The following UVRAG variants were observed in gnomAD, a reference collection of about 807,000 sequenced individuals.
The protein encoded by UVRAG is UV radiation resistance associated.
UVRAG carries 19 observed loss-of-function variants against 78.0 expected under a neutral mutation model. The observed-to-expected ratio is 0.24, with a 90% CI of 0.17 to 0.36. The LOEUF (loss-of-function observed/expected upper bound fraction) is 0.36. UVRAG is among the 10% of genes least tolerant of loss of function. The pLI, the probability that UVRAG is intolerant of heterozygous loss-of-function variation, is 1.00. For synonymous variants in UVRAG, 323 were observed against 324.6 expected (o/e 1.00, Z 0.05); for missense variants, 740 against 853.8 (o/e 0.87, Z 1.66).
At chr11:75,943,154 C>G (rs956597148) in intron 6 of UVRAG, among the ~76,000 whole-genome samples, 1 of 152,044 alleles carries the variant, frequency 6.6e-6, no homozygotes, top group Non-Finnish European at 1.5e-5. Context: ...TACTATAGCA[C>G]CTATAAAATC....
intron 9 of UVRAG, among the ~76,000 whole-genome samples, chr11:76,004,689 A>C (rs1949892941): frequency 6.6e-6 from 1 of 152,020 alleles, no homozygotes; most frequent in Non-Finnish European, 1.5e-5. Flanking sequence ...GCAGTGGTGC[A>C]GTCGTAGCTC....
chr11:75,964,683 A>C (rs553479322), intron 7 of UVRAG, among the ~76,000 whole-genome samples: 1 of 152,320 alleles, frequency 6.6e-6, no homozygotes, highest in South Asian at 2.1e-4. Context: ...CAGGTGGATC[A>C]CGAGGTCAGG....
chr11:76,004,208 A>G (rs1949879623), intron 9 of UVRAG, 119 bp downstream of exon 9: 1 of 910,742 alleles, frequency 1.1e-6, no homozygotes, highest in South Asian at 1.5e-5. Context: ...CCTCAGTACC[A>G]CATTCGTTTA....
At chr11:76,092,143 C>T (rs1330024782) in intron 13 of UVRAG, among the ~76,000 whole-genome samples, 2 of 152,104 alleles carry the variant, frequency 1.3e-5, no homozygotes, top group Non-Finnish European at 2.9e-5. Flanking sequence ...CAGCTTCATC[C>T]ATGTCCCTAC....
intron 12 of UVRAG, among the ~76,000 whole-genome samples, chr11:76,061,466 T>A (rs1326089777): frequency 6.6e-6 from 1 of 152,252 alleles, no homozygotes; most frequent in East Asian, 1.9e-4. Context: ...TTCTTTGCAA[T>A]AAATCTTGCT....
intron 12 of UVRAG, among the ~76,000 whole-genome samples, chr11:76,057,678 C>A (rs1246674476): frequency 6.6e-6 from 1 of 152,114 alleles, no homozygotes; most frequent in Admixed American, 6.6e-5. Flanking sequence ...GTTAAAACTT[C>A]AGTGACACTA....
At chr11:75,922,867 A>G (rs1948006521) in intron 6 of UVRAG, among the ~76,000 whole-genome samples, 1 of 149,766 alleles carries the variant, frequency 6.7e-6, no homozygotes, top group South Asian at 2.2e-4. Context: ...CAGGCAGCGG[A>G]GGTTGTGATG....
chr11:75,840,514 C>T (rs1167422632), intron 1 of UVRAG, among the ~76,000 whole-genome samples: 2 of 152,242 alleles, frequency 1.3e-5, no homozygotes, highest in Admixed American at 6.5e-5. Flanking sequence ...GTAGAAAGTT[C>T]AGAGTCGCAG....
At chr11:76,045,740 A>G (rs923547317) in intron 12 of UVRAG, among the ~76,000 whole-genome samples, 1 of 151,914 alleles carries the variant, frequency 6.6e-6, no homozygotes, top group African/African-American at 2.4e-5. Context: ...ATAAGAAAGA[A>G]AAGATAAGAA....
intron 7 of UVRAG, among the ~76,000 whole-genome samples, chr11:75,975,035 C>T (rs577129770): frequency 1.6e-4 from 24 of 152,206 alleles, no homozygotes; most frequent in East Asian, 9.7e-4. Flanking sequence ...GTCTTTAATC[C>T]GTCTTGAATT....
intron 10 of UVRAG, 119 bp downstream of exon 10, chr11:76,007,740 A>T: frequency 1.3e-6 from 1 of 747,052 alleles, no homozygotes; most frequent in South Asian, 1.8e-5. Flanking sequence ...GTCATGATTC[A>T]TTCAGGAGCT....
intron 5 of UVRAG, among the ~76,000 whole-genome samples, chr11:75,909,497 T>C (rs1947688125): frequency 1.3e-5 from 2 of 151,942 alleles, no homozygotes; most frequent in African/African-American, 4.8e-5. Context: ...AAAAAAAAGA[T>C]TTGTCAATGT....
At chr11:75,981,104 T>A (rs534254304) in intron 7 of UVRAG, among the ~76,000 whole-genome samples, 1 of 152,234 alleles carries the variant, frequency 6.6e-6, no homozygotes, top group South Asian at 2.1e-4. Flanking sequence ...CTGCCTAATT[T>A]GGTAAGTTTT....
chr11:75,894,508 G>T (rs1337298198), intron 5 of UVRAG, among the ~76,000 whole-genome samples: 1 of 151,998 alleles, frequency 6.6e-6, no homozygotes, highest in Non-Finnish European at 1.5e-5. Context: ...TTTAGAATTT[G>T]CTAGAAAAAA....
chr11:75,990,610 T>C (rs1367328204), intron 8 of UVRAG, among the ~76,000 whole-genome samples: 1 of 152,200 alleles, frequency 6.6e-6, no homozygotes, highest in Non-Finnish European at 1.5e-5. Context: ...CAGAACTCTT[T>C]TAGTTACTTA....
At chr11:75,968,865 G>A (rs1476856763) in intron 7 of UVRAG, among the ~76,000 whole-genome samples, 2 of 152,182 alleles carry the variant, frequency 1.3e-5, no homozygotes, top group Non-Finnish European at 2.9e-5. Context: ...CCTCAGTGAT[G>A]TAAGAACACC....
At chr11:75,903,900 T>A (rs751878443) in intron 5 of UVRAG, among the ~76,000 whole-genome samples, 21 of 152,216 alleles carry the variant, frequency 1.4e-4, no homozygotes, top group Non-Finnish European at 2.5e-4. Context: ...ATTTTGTAGT[T>A]TTAATGAAGT....
chr11:75,881,983 A>G (rs971744975), intron 4 of UVRAG, among the ~76,000 whole-genome samples: 13 of 152,162 alleles, frequency 8.5e-5, no homozygotes, highest in Non-Finnish European at 1.8e-4. Context: ...TCTTTGTCCT[A>G]TACTGCACTG....
chr11:76,122,207 G>T (rs924133721), intron 14 of UVRAG, among the ~76,000 whole-genome samples: 2 of 152,198 alleles, frequency 1.3e-5, no homozygotes, highest in Admixed American at 6.5e-5. Flanking sequence ...TTTAGTTCCC[G>T]GTGTGAGGGG....
Sources: gnomAD v4.1 joint callset for allele counts (sites outside exome capture counted in the v4.1 genomes callset) on GRCh38, gnomAD v4.1.1 for gene constraint, MANE v1.5 for transcripts, NCBI Gene and HGNC (gene_info 2026-07-23, HGNC 2026-07-21) for gene names.